The following CEP135 variants were observed in gnomAD, a reference collection of about 807,000 sequenced individuals.
The protein encoded by CEP135 is centrosomal protein 135, also known as centrosomal protein of 135 kDa.
In CEP135, 142 loss-of-function variants were observed where a neutral mutation model predicts 157.3. The ratio of observed to expected loss-of-function variants is 0.90; its 90% confidence interval spans 0.79 to 1.04. CEP135 has a LOEUF of 1.04. Ranked by LOEUF, CEP135 falls within the 50% of genes least tolerant of loss-of-function variation. The pLI is 0.00. For synonymous variants in CEP135, 396 were observed against 439.8 expected (o/e 0.90, Z 1.25); for missense variants, 1,317 against 1,309.2 (o/e 1.01, Z -0.09).
intron 10 of CEP135, among the ~76,000 whole-genome samples, chr4:55,973,061 G>A (rs1179682809): frequency 6.6e-6 from 1 of 152,088 alleles, no homozygotes; most frequent in Non-Finnish European, 1.5e-5. Flanking sequence ...CTTTTTGATA[G>A]CTATGTGTGG....
At chr4:56,013,607 A>G (rs558364082) in intron 21 of CEP135, among the ~76,000 whole-genome samples, 21 of 152,298 alleles carry the variant, frequency 1.4e-4, no homozygotes, top group African/African-American at 4.6e-4. Flanking sequence ...ATTTTGTCAT[A>G]AAGACAGTCT....
At chr4:55,962,822 A>G (rs369263750) in intron 6 of CEP135, among the ~76,000 whole-genome samples, 13 of 141,744 alleles carry the variant, frequency 9.2e-5, no homozygotes, top group African/African-American at 3.4e-4. Context: ...CGTCTTATGT[A>G]TCTTTTTCAA....
intron 9 of CEP135, 137 bp downstream of exon 9, chr4:55,969,265 A>G (rs1216463169): frequency 1.6e-6 from 1 of 606,652 alleles, no homozygotes; most frequent in East Asian, 3.1e-5. Flanking sequence ...CGTCTCTACT[A>G]AAAATACAAA....
chr4:55,954,493 T>C, intron 4 of CEP135, 110 bp downstream of exon 4: 1 of 884,692 alleles, frequency 1.1e-6, no homozygotes, highest in Non-Finnish European at 1.7e-6. Flanking sequence ...TAGACTTTAG[T>C]GTTTGAAAAT....
chr4:55,971,779 C>G (rs1477060316), intron 10 of CEP135, among the ~76,000 whole-genome samples: 1 of 152,166 alleles, frequency 6.6e-6, no homozygotes, highest in Non-Finnish European at 1.5e-5. Flanking sequence ...AATACACACA[C>G]ATAAACACAC....
intron 14 of CEP135, among the ~76,000 whole-genome samples, chr4:55,987,803 G>T (rs1413772307): frequency 6.6e-6 from 1 of 152,174 alleles, no homozygotes; most frequent in Non-Finnish European, 1.5e-5. Flanking sequence ...TAAAATGTTG[G>T]AGAATAGCCT....
At position 55,992,008 on chromosome 4, in the gene CEP135, A is replaced by T. The variant is rs765420745; in HGVS notation, c.1932A>T (p.Lys644Asn). 1 of 1,608,478 alleles carries T rather than the reference A, an allele frequency of 6.2e-7. No individual in the cohort carries two copies. The highest frequency in any genetic ancestry group is 1.1e-5 in the South Asian group (1 of 89,874). ...MKETIESLEN[K>N]LKVQAQKFSH... ...AAACAATAGAGTCGTTAGAGAACAAATTAAAAGTCCAAGCTCAAAAATTTA... is the reference window on the plus strand; with the variant it reads ...AAACAATAGAGTCGTTAGAGAACAATTTAAAAGTCCAAGCTCAAAAATTTA... The change falls in exon 15 of 26, where the codon AAA becomes AAT. Residue 644 changes from lysine to asparagine, a missense_variant. Coordinates refer to ENST00000257287, the MANE Select transcript of CEP135 (RefSeq NM_025009.5).
intron 21 of CEP135, 45 bp from the exon 22 acceptor site, chr4:56,017,603 A>G (rs1337763175): frequency 6.8e-7 from 1 of 1,476,394 alleles, no homozygotes; most frequent in Non-Finnish European, 9.1e-7. Context: ...TCTTAAAATT[A>G]TTGGGTTATT....
intron 17 of CEP135, among the ~76,000 whole-genome samples, chr4:56,005,926 C>A (rs187959153): frequency 6.6e-6 from 1 of 152,040 alleles, no homozygotes; most frequent in African/African-American, 2.4e-5. Flanking sequence ...TTCCTCTTGG[C>A]CTGTATGGTT....
intron 14 of CEP135, among the ~76,000 whole-genome samples, chr4:55,988,358 A>G (rs948143259): frequency 1.3e-5 from 2 of 152,150 alleles, no homozygotes; most frequent in African/African-American, 4.8e-5. Context: ...AAGCCTTTAG[A>G]GTCATAGTAA....
At chr4:55,979,512 G>C (rs1048439376) in intron 11 of CEP135, among the ~76,000 whole-genome samples, 5 of 152,178 alleles carry the variant, frequency 3.3e-5, no homozygotes, top group African/African-American at 1.2e-4. Flanking sequence ...AGCTGAGACA[G>C]TTGGGGGTTG....
intron 15 of CEP135, among the ~76,000 whole-genome samples, chr4:55,994,941 C>T (rs1729919579): frequency 6.6e-6 from 1 of 152,140 alleles, no homozygotes. Flanking sequence ...CCGCCTGGGC[C>T]TCCCAAAGTG....
chr4:55,997,640 A>G (rs950904027), intron 15 of CEP135, among the ~76,000 whole-genome samples: 1 of 152,218 alleles, frequency 6.6e-6, no homozygotes, highest in Non-Finnish European at 1.5e-5. Context: ...ATAATGTTAG[A>G]CTAGCCTTAA....
At chr4:56,011,568 T>C in intron 20 of CEP135, 46 bp downstream of exon 20, 1 of 1,340,942 alleles carries the variant, frequency 7.5e-7, no homozygotes. Flanking sequence ...GGTTTTTTTT[T>C]TTTTTAACTT....
intron 11 of CEP135, among the ~76,000 whole-genome samples, chr4:55,979,855 A>G (rs887137677): frequency 6.6e-6 from 1 of 152,216 alleles, no homozygotes; most frequent in African/African-American, 2.4e-5. Context: ...TACCACGAGT[A>G]TGAACAACTT....
rs540281406 is a variant in CEP135 at position 56,030,706 on chromosome 4, C to T, written c.*12-654C>T. On this transcript the variant is annotated intron_variant, in intron 25 of 25. Coordinates refer to ENST00000257287, the MANE Select transcript of CEP135 (RefSeq NM_025009.5). ...CTGGGTTCAAGCGATCCTCCTGCCT[C>T]AGCCTCCCAAAGTGCCGGGATTACA... 3.3e-5 allele frequency among the ~76,000 whole-genome samples: 5 copies of T among 152,292 alleles called. No homozygotes were observed. In the South Asian group the frequency reaches 8.3e-4, roughly 25 times the overall value.
chr4:55,985,700 A>T (rs577592939), intron 14 of CEP135, among the ~76,000 whole-genome samples: 4 of 152,106 alleles, frequency 2.6e-5, no homozygotes, highest in Admixed American at 2.6e-4. Flanking sequence ...TGACATCGTG[A>T]TCTGCCCACC....
At chr4:55,982,669 C>T (rs539108812) in intron 13 of CEP135, among the ~76,000 whole-genome samples, 44 of 152,262 alleles carry the variant, frequency 2.9e-4, no homozygotes, top group African/African-American at 1.0e-3. Context: ...CATACAGCCC[C>T]TTATTAGATA....
chr4:55,973,037 A>T (rs1729079681), intron 10 of CEP135, among the ~76,000 whole-genome samples: 1 of 152,196 alleles, frequency 6.6e-6, no homozygotes, highest in Non-Finnish European at 1.5e-5. Flanking sequence ...GTGAAAAAAA[A>T]AAAGTTTATT....
Sources: gnomAD v4.1 joint callset for allele counts (sites outside exome capture counted in the v4.1 genomes callset) on GRCh38, gnomAD v4.1.1 for gene constraint, MANE v1.5 for transcripts, NCBI Gene and HGNC (gene_info 2026-07-23, HGNC 2026-07-21) for gene names.